The following NCOR1 variants were observed in gnomAD, a reference collection of about 807,000 sequenced individuals.
NCOR1 encodes the protein protein phosphatase 1, regulatory subunit 109.
A neutral mutation model predicts 288.1 loss-of-function variants in NCOR1; 63 were observed. That is an observed-to-expected ratio of 0.22 (90% CI 0.18 to 0.27). NCOR1 has a LOEUF of 0.27. NCOR1 is among the 10% of genes least tolerant of loss of function. NCOR1 has a pLI of 1.00. For missense variants in NCOR1, 2,397 were observed against 3,019.2 expected (o/e 0.79, Z 4.83); for synonymous variants, 1,007 against 1,065.9 (o/e 0.94, Z 1.08).
chr17:16,052,810 G>A (rs551636763), intron 40 of NCOR1, among the ~76,000 whole-genome samples: 2 of 151,976 alleles, frequency 1.3e-5, no homozygotes, highest in African/African-American at 2.4e-5. Flanking sequence ...GAAAACTTCC[G>A]GCCAATATCC....
intron 23 of NCOR1, among the ~76,000 whole-genome samples, chr17:16,083,177 G>T (rs1272904108): frequency 6.6e-6 from 1 of 151,758 alleles, no homozygotes; most frequent in African/African-American, 2.4e-5. Flanking sequence ...AGGTTGCAGT[G>T]AGCCGAGATC....
Position 16,094,906 on chromosome 17 carries a change from G to C in NCOR1, c.2821-2848C>G, listed in dbSNP as rs986095948. Among the ~76,000 whole-genome samples, 6 of 152,244 alleles carry C rather than the reference G, an allele frequency of 3.9e-5. No homozygotes were observed. In the East Asian group the frequency reaches 7.7e-4, roughly 20 times the overall value. On this transcript the variant is annotated intron_variant, in intron 21 of 45. Transcript: ENST00000268712. Reference sequence around the variant, plus strand: ...GGCTGGAGTGCAGTGGCGTGATCTCGGCTCGCTACAACCTCCACCTCCCAG... The same window carrying C: ...GGCTGGAGTGCAGTGGCGTGATCTCCGCTCGCTACAACCTCCACCTCCCAG...
rs1972069733 is a variant in NCOR1 at position 16,031,878 on chromosome 17, A to G, written c.*418T>C. 1 of 235,184 alleles carries G rather than the reference A, an allele frequency of 4.3e-6. No individual in the cohort carries two copies. The highest frequency in any genetic ancestry group is 8.4e-6 in the Non-Finnish European group (1 of 119,700). 14.6% of individuals were successfully genotyped at this position (235,184 alleles called of 1,614,324 possible). On this transcript the variant is annotated 3_prime_UTR_variant, in exon 46 of 46. Transcript: ENST00000268712. ...GATAGATAGACAAAAAGATTTTTAAAAATCACCCCCAAAGTTGATGCGCTG... is the reference window on the plus strand; with the variant it reads ...GATAGATAGACAAAAAGATTTTTAAGAATCACCCCCAAAGTTGATGCGCTG...
intron 6 of NCOR1, among the ~76,000 whole-genome samples, chr17:16,154,892 C>T (rs1425818396): frequency 6.6e-6 from 1 of 152,168 alleles, no homozygotes; most frequent in Non-Finnish European, 1.5e-5. Flanking sequence ...GTGGGACTAA[C>T]GCTCTTCACT....
intron 3 of NCOR1, among the ~76,000 whole-genome samples, chr17:16,179,017 C>A (rs1263214440): frequency 6.6e-6 from 1 of 151,858 alleles, no homozygotes; most frequent in African/African-American, 2.4e-5. Context: ...GCAGAAGAAT[C>A]GTTTGAACAT....
At chr17:16,135,171 A>AG (rs1359584107) in intron 14 of NCOR1, among the ~76,000 whole-genome samples, 2 of 151,722 alleles carry the variant, frequency 1.3e-5, no homozygotes, top group East Asian at 3.9e-4. Flanking sequence ...AAAAAAAAAA[A>AG]AAAAAAAAAA....
chr17:16,199,445 A>G (rs1412889626), intron 1 of NCOR1, among the ~76,000 whole-genome samples: 2 of 152,172 alleles, frequency 1.3e-5, no homozygotes, highest in East Asian at 1.9e-4. Flanking sequence ...TGAAAGCTAA[A>G]TGTACAAAAG....
intron 19 of NCOR1, among the ~76,000 whole-genome samples, chr17:16,102,749 A>G (rs1018625436): frequency 2.0e-5 from 3 of 152,268 alleles, no homozygotes; most frequent in Admixed American, 1.3e-4. Context: ...GCCTGGCACC[A>G]TGCCCGGCTA....
At chr17:16,091,781 CA>C in intron 22 of NCOR1, 81 bp downstream of exon 22, 2 of 1,592,848 alleles carry the variant, frequency 1.3e-6, no homozygotes, top group Middle Eastern at 2.3e-4. Context: ...TGACAACTTA[CA>C]AAGCACAATG....
intron 22 of NCOR1, 65 bp from the exon 23 acceptor site, chr17:16,086,507 TCTCA>T: frequency 7.3e-7 from 1 of 1,372,134 alleles, no homozygotes. Context: ...ATGTTACCTC[TCTCA>T]GTCATTCCTG....
chr17:16,082,186 A>C (rs2063507889), intron 23 of NCOR1, among the ~76,000 whole-genome samples: 1 of 148,590 alleles, frequency 6.7e-6, no homozygotes, highest in Non-Finnish European at 1.5e-5. Flanking sequence ...AAGAAACAAC[A>C]AGCTCTGAAA....
intron 2 of NCOR1, among the ~76,000 whole-genome samples, chr17:16,192,365 A>C (rs1478827749): frequency 6.6e-6 from 1 of 152,086 alleles, no homozygotes; most frequent in Non-Finnish European, 1.5e-5. Flanking sequence ...AATACAAAAA[A>C]TTAGCTGGGG....
chr17:16,159,413 C>CAAAAA (rs35243097), intron 5 of NCOR1, among the ~76,000 whole-genome samples: 53 of 66,316 alleles, frequency 8.0e-4, no homozygotes, highest in South Asian at 1.8e-3. Flanking sequence ...AACTCTATCT[C>CAAAAA]AAAAAAAAAA....
At chr17:16,170,376 C>T (rs1433933774) in intron 4 of NCOR1, among the ~76,000 whole-genome samples, 1 of 151,932 alleles carries the variant, frequency 6.6e-6, no homozygotes, top group Non-Finnish European at 1.5e-5. Flanking sequence ...AACAAAAAGA[C>T]ACTGGGAAAA....
intron 22 of NCOR1, among the ~76,000 whole-genome samples, chr17:16,086,928 T>C (rs904618408): frequency 6.6e-6 from 1 of 152,226 alleles, no homozygotes; most frequent in East Asian, 1.9e-4. Context: ...CTTTTACAAA[T>C]TCATGTACTC....
chr17:16,108,999 A>G (rs935779940), intron 18 of NCOR1, 87 bp from the exon 19 acceptor site: 5 of 919,498 alleles, frequency 5.4e-6, no homozygotes, highest in East Asian at 3.1e-5. Flanking sequence ...ATTGATAAGC[A>G]CACACACACA....
At position 16,191,594 on chromosome 17, in the gene NCOR1, A is replaced by AAT. The variant is rs893662739; in HGVS notation, c.108+2867_108+2868insAT. On this transcript the variant is annotated intron_variant, in intron 2 of 45. Coordinates refer to ENST00000268712, the MANE Select transcript of NCOR1 (RefSeq NM_006311.4). The stretch of plus-strand genomic sequence containing the variant: ...GCAAAATGAAGCTAATGGATTTAAA[A>AAT]AAAATAAAATAAAAACAGGGAAAAA... Among the ~76,000 whole-genome samples, 7 of 152,062 alleles carry AAT rather than the reference A, an allele frequency of 4.6e-5. No individual in the cohort carries two copies. In the East Asian group the frequency reaches 5.8e-4, roughly 13 times the overall value.
chr17:16,174,527 C>T lies in NCOR1; in HGVS notation c.243-2532G>A, dbSNP rs568490566. On this transcript the variant is annotated intron_variant, in intron 3 of 45. Transcript: ENST00000268712. ...AGTACTGGAGAAGAAACTAAGGTAC[C>T]AAGGAACAGGACAACTCAGAAAACA... 1.1e-3 allele frequency among the ~76,000 whole-genome samples: 167 copies of T among 152,246 alleles called. 1 individual carries two copies. The highest frequency in any genetic ancestry group is 3.8e-3 in the African/African-American group (159 of 41,556).
Position 16,088,077 on chromosome 17 carries a change from A to C in NCOR1, c.3017-1635T>G, listed in dbSNP as rs562298050. ...TGACCACTTAGATTTGTAGCATTTTAATGTCTGTCAGAATAAATTCCCACT... is the reference window on the plus strand; with the variant it reads ...TGACCACTTAGATTTGTAGCATTTTCATGTCTGTCAGAATAAATTCCCACT... On this transcript the variant is annotated intron_variant, in intron 22 of 45. Coordinates refer to ENST00000268712, the MANE Select transcript of NCOR1 (RefSeq NM_006311.4). 2.0e-5 allele frequency among the ~76,000 whole-genome samples: 3 copies of C among 152,172 alleles called. No individual in the cohort carries two copies. In the South Asian group the frequency reaches 6.2e-4, roughly 32 times the overall value.
Sources: allele counts gnomAD v4.1 joint callset (sites outside exome capture counted in the v4.1 genomes callset), GRCh38; gene constraint gnomAD v4.1.1; transcripts MANE v1.5; gene names NCBI Gene and HGNC (gene_info 2026-07-23, HGNC 2026-07-21).